USP4: variants seen among roughly 807,000 people sequenced by gnomAD.
The protein encoded by USP4 is ubiquitin carboxyl-terminal hydrolase 4.
Under a neutral mutation model 118.2 loss-of-function variants are expected in USP4, and 72 were observed. The ratio of observed to expected loss-of-function variants is 0.61; its 90% confidence interval spans 0.50 to 0.74. The LOEUF (loss-of-function observed/expected upper bound fraction) is 0.74. Ranked by LOEUF, USP4 falls within the 30% of genes least tolerant of loss-of-function variation. The pLI, the probability that USP4 is intolerant of heterozygous loss-of-function variation, is 0.00. For synonymous variants in USP4, 415 were observed against 440.4 expected, an observed-to-expected ratio of 0.94 and a Z score of 0.72; for missense variants, 1,037 against 1,185.7, an observed-to-expected ratio of 0.87 and a Z score of 1.84.
At chr3:49,312,529 A>T (rs1448619725) in intron 6 of USP4, 1 of 452,762 alleles carries the variant, frequency 2.2e-6, no homozygotes. Context: ...CTGAGGCAGG[A>T]GAATTGCTTG....
chr3:49,317,468 C>A, intron 6 of USP4: 1 of 689,350 alleles, frequency 1.5e-6, no homozygotes. Flanking sequence ...GTCAACATCT[C>A]CTGGGGCCCC....
At chr3:49,303,627 A>G (rs1425754821) in intron 9 of USP4, among the ~76,000 whole-genome samples, 1 of 152,152 alleles carries the variant, frequency 6.6e-6, no homozygotes, top group Non-Finnish European at 1.5e-5. Context: ...GGTAGCTACC[A>G]AAACACAGTG....
At position 49,324,581 on chromosome 3, in the gene USP4, A is replaced by G. The variant is rs1349842111; in HGVS notation, c.695+121T>C. 3 of 932,568 alleles carry G rather than the reference A, an allele frequency of 3.2e-6. No individual in the cohort carries two copies. In the East Asian group the frequency reaches 7.2e-5, roughly 23 times the overall value. The allele number at this position is 932,568 out of a possible 1,614,324, so 57.8% of individuals were successfully genotyped here. ...TCATCCAGAAGCATGAACTCTGGATATACAAAATAGGCATTGTTCATCTGA... is the reference window on the plus strand; with the variant it reads ...TCATCCAGAAGCATGAACTCTGGATGTACAAAATAGGCATTGTTCATCTGA... On this transcript the variant is annotated intron_variant, in intron 6 of 21. Transcript: ENST00000265560.
chr3:49,299,775 A>G (rs774909640), intron 11 of USP4, among the ~76,000 whole-genome samples: 8 of 152,208 alleles, frequency 5.3e-5, no homozygotes, highest in Non-Finnish European at 1.0e-4. Flanking sequence ...AGGGTAAGAC[A>G]CTAAGACCTG....
At position 49,335,571 on chromosome 3, in the gene USP4, T is replaced by C; in HGVS notation, c.127A>G (p.Lys43Glu). 1 of 1,614,220 alleles carries C rather than the reference T, an allele frequency of 6.2e-7. No homozygotes were observed. Among genetic ancestry groups the C allele is most frequent in the East Asian group, 2.2e-5 (1 of 44,880 alleles). Reference sequence around the variant, plus strand: ...AAGCCCACATACTTCTTCCACTGCTTGAACCACCGGCTGTCAATAAGATAC... The same window carrying C: ...AAGCCCACATACTTCTTCCACTGCTCGAACCACCGGCTGTCAATAAGATAC... The part of the protein sequence containing the change: ...QWYLIDSRWF[K>E]QWKKYVGFDS... The change falls in exon 2 of 22, where the codon AAG becomes GAG. Residue 43 changes from lysine to glutamate, a missense_variant. Lys to Glu is a moderately conservative substitution (Grantham distance 56). This residue lies in a region of USP4 where 487 missense variants were observed against 534.1 expected (regional missense o/e 0.91). Transcript: ENST00000265560.
At chr3:49,281,505 C>T (rs1159748839) in intron 19 of USP4, among the ~76,000 whole-genome samples, 6 of 147,670 alleles carry the variant, frequency 4.1e-5, no homozygotes, top group African/African-American at 1.6e-4. Flanking sequence ...CACACACACA[C>T]ACACACACAC....
chr3:49,330,141 A>G (rs2047599310), intron 2 of USP4, among the ~76,000 whole-genome samples: 1 of 151,474 alleles, frequency 6.6e-6, no homozygotes, highest in African/African-American at 2.4e-5. Flanking sequence ...ACTGCACTCC[A>G]GCCTGGGCAA....
In USP4 at chr3:49,283,979, T is replaced by C. The variant is rs1434894377; in HGVS notation, c.2540+8A>G. 1 of 1,614,208 alleles carries C rather than the reference T, an allele frequency of 6.2e-7. No individual in the cohort carries two copies. Among genetic ancestry groups the C allele is most frequent in the East Asian group, 2.2e-5 (1 of 44,892 alleles). On this transcript the variant is annotated splice_region_variant and intron_variant, in intron 19 of 21. Coordinates refer to ENST00000265560, the MANE Select transcript of USP4 (RefSeq NM_003363.4). ...AATGTTCCTAACACTGTAGTCACCA[T>C]GACCCACCTGATTGGGAATTCTACG...
chr3:49,297,748 G>T, intron 13 of USP4, 122 bp downstream of exon 13: 1 of 764,118 alleles, frequency 1.3e-6, no homozygotes. Flanking sequence ...TGCACCCAGG[G>T]GTCAGGGCCA....
intron 19 of USP4, among the ~76,000 whole-genome samples, chr3:49,281,531 C>CAT (rs1374032719): frequency 3.0e-5 from 4 of 135,396 alleles, no homozygotes; most frequent in African/African-American, 5.3e-5. Flanking sequence ...CACACACACA[C>CAT]ATATATACAT....
intron 1 of USP4, among the ~76,000 whole-genome samples, chr3:49,336,716 T>C (rs1207119649): frequency 6.6e-6 from 1 of 151,544 alleles, no homozygotes; most frequent in Non-Finnish European, 1.5e-5. Context: ...GAGACAGGGT[T>C]TCTCCATGTT....
intron 1 of USP4, among the ~76,000 whole-genome samples, chr3:49,337,564 G>C (rs979350200): frequency 1.2e-4 from 19 of 152,026 alleles, no homozygotes; most frequent in African/African-American, 4.6e-4. Context: ...GAGTAGCTGT[G>C]ACTATAGGCA....
chr3:49,336,217 G>A (rs2047668172), intron 1 of USP4, among the ~76,000 whole-genome samples: 1 of 119,070 alleles, frequency 8.4e-6, no homozygotes, highest in Non-Finnish European at 1.6e-5. Context: ...TGTTGCCCAA[G>A]CTGGAGTGCA....
chr3:49,280,941 G>T, intron 19 of USP4, 94 bp from the exon 20 acceptor site: 2 of 933,122 alleles, frequency 2.1e-6, no homozygotes, highest in African/African-American at 1.6e-5. Context: ...CAACAGGGCA[G>T]AACACAGGGA....
In USP4 at chr3:49,310,536, G is replaced by A. The variant is rs1445443907; in HGVS notation, c.954+84C>T. On this transcript the variant is annotated intron_variant, in intron 8 of 21. Transcript: ENST00000265560. The stretch of plus-strand genomic sequence containing the variant: ...AAGGGGTAGGCAGGGACTCCTGGGA[G>A]AGGATCCACCCAGTACCTTTGCAGG... 50 of 1,173,520 alleles carry A rather than the reference G, an allele frequency of 4.3e-5. No individual in the cohort carries two copies. The Middle Eastern group carries it at 6.1e-4, about 14-fold the overall frequency. 72.7% of individuals were successfully genotyped at this position (1,173,520 alleles called of 1,614,324 possible). A position where few individuals can be genotyped will look rare whatever the true frequency, so the allele number is the denominator to read the frequency against.
In USP4 at chr3:49,294,593, T is replaced by A. The variant is rs758852819; in HGVS notation, c.1697A>T (p.Glu566Val). 6.2e-7 allele frequency: 1 copy of A among 1,613,286 alleles called. No homozygotes were observed. The highest frequency in any genetic ancestry group is 1.7e-5 in the Admixed American group (1 of 59,922). The change falls in exon 14 of 22, where the codon GAG (glutamate) becomes GTG (valine). Residue 566 changes from glutamate (E) to valine (V), a missense_variant. Glu to Val is a moderately radical substitution (Grantham distance 121). This residue lies in a region of USP4 where 522 missense variants were observed against 592.6 expected (regional missense o/e 0.88). Transcript: ENST00000265560. ...IMPRDDIFVYEVCSTSVDGSE... is the reference protein window; with the variant it reads ...IMPRDDIFVYVVCSTSVDGSE... ...GCCATCCACGGAAGTGCTGCAGACCTCGTACCTGCGTCAATCACACAAGAG... is the reference window on the plus strand; with the variant it reads ...GCCATCCACGGAAGTGCTGCAGACCACGTACCTGCGTCAATCACACAAGAG...
intron 6 of USP4, among the ~76,000 whole-genome samples, chr3:49,320,798 AT>A (rs1204571784): frequency 1.0e-4 from 15 of 150,642 alleles, no homozygotes; most frequent in South Asian, 2.1e-4. Context: ...CATACTTCTT[AT>A]TTTTTCCCCC....
Position 49,284,048 on chromosome 3 carries a change from G to A in USP4, c.2479C>T (p.Arg827Cys), listed in dbSNP as rs186545761. The A allele has an allele frequency of 1.7e-5, 27 of 1,614,122 alleles. No homozygotes were observed. Among genetic ancestry groups the A allele is most frequent in the African/African-American group, 4.0e-5 (3 of 74,950 alleles). The change falls in exon 19 of 22, where the codon CGT (arginine) becomes TGT (cysteine). Residue 827 changes from arginine (R) to cysteine (C), a missense_variant. This residue lies in a region of USP4 where 522 missense variants were observed against 592.6 expected (regional missense o/e 0.88). Transcript: ENST00000265560. ...LPKILVVHLK[R>C]FSYNRYWRDK... ...CTCCAGTATCTGTTGTAGGAGAAACGTTTGAGGTGGACCACCAGGATCTTG... is the reference window on the plus strand; with the variant it reads ...CTCCAGTATCTGTTGTAGGAGAAACATTTGAGGTGGACCACCAGGATCTTG...
rs200926816 is a variant in USP4 at position 49,325,761 on chromosome 3, T to G, written c.445A>C (p.Thr149Pro). 6.2e-7 allele frequency: 1 copy of G among 1,613,880 alleles called. No individual in the cohort carries two copies. The highest frequency in any genetic ancestry group is 8.5e-7 in the Non-Finnish European group (1 of 1,179,932). Residue 149 changes from threonine to proline, a missense_variant, in exon 4 of 22, where the codon ACC becomes CCC. Around this residue, in one of 3 missense-constraint regions of USP4, gnomAD observed 487 missense variants for 534.1 expected, o/e 0.91. Transcript: ENST00000265560. ...CTGAAATGGCAACTCAGCACATTGG[T>G]GGGGTCACTGTTCTCACAGAGCTTC... ...ELKLCENSDP[T>P]NVLSCHFSKA...
Sources: gnomAD v4.1 joint callset for allele counts (sites outside exome capture counted in the v4.1 genomes callset) on GRCh38, gnomAD v4.1.1 for gene constraint, gnomAD v4.1.1 regional missense constraint, MANE v1.5 for transcripts, NCBI Gene and HGNC (gene_info 2026-07-23, HGNC 2026-07-21) for gene names.